The following DZIP1L variants were observed in gnomAD, a reference collection of about 807,000 sequenced individuals.
DZIP1L encodes DAZ interacting zinc finger protein 1 like, also known as cilium assembly protein DZIP1L.
A neutral mutation model predicts 88.7 loss-of-function variants in DZIP1L; 90 were observed. The observed-to-expected ratio is 1.02, with a 90% CI of 0.86 to 1.21. The LOEUF is 1.21. Among genes scored for constraint, DZIP1L ranks in the 50% most tolerant of loss-of-function variants. The probability of loss-of-function intolerance (pLI) is 0.00; values close to 1 mark genes in which losing one functional copy is unlikely to be tolerated. For missense variants in DZIP1L, 932 were observed against 955.8 expected (o/e 0.98, Z 0.33); for synonymous variants, 363 against 372.1 (o/e 0.98, Z 0.28).
At chr3:138,106,615 C>T (rs1047680571) in intron 1 of DZIP1L, among the ~76,000 whole-genome samples, 6 of 151,616 alleles carry the variant, frequency 4.0e-5, no homozygotes, top group South Asian at 2.1e-4. Context: ...GGGTGGATCA[C>T]GAGGTCAAGA....
intron 7 of DZIP1L, 101 bp downstream of exon 7, chr3:138,086,860 T>C (rs1943963517): frequency 8.1e-7 from 1 of 1,236,136 alleles, no homozygotes; most frequent in South Asian, 1.3e-5. Flanking sequence ...CAGTTCCAGG[T>C]GAGATAGGGG....
At chr3:138,069,063 G>C in intron 12 of DZIP1L, 1 of 1,170,756 alleles carries the variant, frequency 8.5e-7, no homozygotes, top group Non-Finnish European at 1.1e-6. Context: ...GAAACAACGT[G>C]GGGTTGAACA....
chr3:138,085,087 C>T (rs1470531413), intron 7 of DZIP1L, among the ~76,000 whole-genome samples: 4 of 152,118 alleles, frequency 2.6e-5, no homozygotes. Context: ...CTTCCTTACA[C>T]CTTATACAAA....
chr3:138,070,724 C>G (rs1008294437), intron 12 of DZIP1L, among the ~76,000 whole-genome samples: 2 of 152,232 alleles, frequency 1.3e-5, no homozygotes, highest in African/African-American at 4.8e-5. Flanking sequence ...ATGAAGAGCT[C>G]AAATCGGTTC....
chr3:138,089,386 C>T (rs1944098100), intron 5 of DZIP1L: 1 of 488,340 alleles, frequency 2.0e-6, no homozygotes, highest in Admixed American at 6.4e-5. Context: ...ACTTTCTTGG[C>T]ATTACAAACC....
At chr3:138,108,086 T>C (rs2724679) in intron 1 of DZIP1L, 291,989 of 428,492 alleles carry the variant, frequency 0.68, 101,736 homozygotes, top group Non-Finnish European at 0.72. Context: ...CAGGTTCACG[T>C]CATTCTCCTG....
chr3:138,099,128 C>G (rs751895018), intron 2 of DZIP1L, among the ~76,000 whole-genome samples: 3 of 151,966 alleles, frequency 2.0e-5, no homozygotes, highest in Non-Finnish European at 4.4e-5. Context: ...GACCCTGTCT[C>G]AAAAAATAAA....
rs141369259 is a variant in DZIP1L at position 138,068,219 on chromosome 3, G to A, written c.1764C>T (p.Ser588=). ...GCAGTCCGGGGCGTGGAGCGGGGGC[G>A]GACACCTGGGTCAGGCTGGAGCCAT... ...GSHGSSLTQV[S]APAPRPGLHG... The change falls in exon 13 of 16, where the codon TCC becomes TCT. Residue 588 remains serine (S), a synonymous_variant. Transcript: ENST00000327532. 49 of 1,592,580 alleles carry A rather than the reference G, an allele frequency of 3.1e-5. 1 individual carries two copies. In the South Asian group the frequency reaches 3.4e-4, roughly 11 times the overall value.
chr3:138,102,536 G>T, intron 2 of DZIP1L: 1 of 1,387,164 alleles, frequency 7.2e-7, no homozygotes, highest in Non-Finnish European at 1.0e-6. Flanking sequence ...GTCTTCTGCT[G>T]CTGCAGGAGG....
chr3:138,063,662 C>T lies in DZIP1L; in HGVS notation c.2143-685G>A, dbSNP rs576457765. Among the ~76,000 whole-genome samples, 3 of 152,252 alleles carry T rather than the reference C, an allele frequency of 2.0e-5. No homozygotes were observed. Among genetic ancestry groups the T allele is most frequent in the Non-Finnish European group, 2.9e-5 (2 of 68,050 alleles). ...GGAATGTAAGACCGACCAATCAGAA[C>T]CCATGCAGGGTGCAGGGCAGCAAGC... On this transcript the variant is annotated intron_variant, in intron 15 of 15. Coordinates refer to ENST00000327532, the MANE Select transcript of DZIP1L (RefSeq NM_173543.3). This position sits in a 1 kb window ranked among gnomAD's most constrained non-coding sequence, Gnocchi z 4.1.
At chr3:138,064,293 G>C in intron 15 of DZIP1L, 2 of 1,110,832 alleles carry the variant, frequency 1.8e-6, no homozygotes, top group Non-Finnish European at 2.3e-6. Context: ...GCCCACTGTG[G>C]GATGAGACCG....
At chr3:138,104,155 T>C (rs2042411137) in intron 1 of DZIP1L, 103 bp from the exon 2 acceptor site, 1 of 1,093,772 alleles carries the variant, frequency 9.1e-7, no homozygotes, top group Non-Finnish European at 1.3e-6. Flanking sequence ...GAGGTGTCTG[T>C]GCAGCAGCTG....
At chr3:138,105,766 CAT>C (rs2042466058) in intron 1 of DZIP1L, among the ~76,000 whole-genome samples, 1 of 151,856 alleles carries the variant, frequency 6.6e-6, no homozygotes, top group Non-Finnish European at 1.5e-5. Flanking sequence ...ATGAAAGACT[CAT>C]ATTTGTTATA....
At chr3:138,114,703 G>A (rs2042665136) in intron 1 of DZIP1L, among the ~76,000 whole-genome samples, 1 of 152,142 alleles carries the variant, frequency 6.6e-6, no homozygotes, top group Non-Finnish European at 1.5e-5. Flanking sequence ...CCCCTAGGAA[G>A]TGCTCCGTGA....
At chr3:138,065,221 C>T (rs1942842623) in intron 14 of DZIP1L, among the ~76,000 whole-genome samples, 2 of 152,176 alleles carry the variant, frequency 1.3e-5, no homozygotes, top group Admixed American at 1.3e-4. Flanking sequence ...TAAGCAGTGA[C>T]AGAGATCATC....
rs997264928 is a variant in DZIP1L, at chr3:138,103,348, A to C, written c.501+123T>G. 2.7e-6 allele frequency: 3 copies of C among 1,112,818 alleles called. No homozygotes were observed. In the African/African-American group the frequency reaches 4.7e-5, roughly 17 times the overall value. 68.9% of individuals were successfully genotyped at this position (1,112,818 alleles called of 1,614,324 possible). On this transcript the variant is annotated intron_variant, in intron 2 of 15. Transcript: ENST00000327532. ...AGCAGCATCTCTGAAATCTGCTCCT[A>C]ACCAGTGAGAACAGCCCCCCAGCAG...
chr3:138,068,826 T>C (rs1381515159), intron 12 of DZIP1L, among the ~76,000 whole-genome samples: 1 of 152,170 alleles, frequency 6.6e-6, no homozygotes, highest in Non-Finnish European at 1.5e-5. Flanking sequence ...AAATGCAGTC[T>C]GGGGCAAGGC....
intron 11 of DZIP1L, among the ~76,000 whole-genome samples, chr3:138,072,817 T>C (rs1002326833): frequency 3.3e-5 from 5 of 152,156 alleles, no homozygotes; most frequent in African/African-American, 4.8e-5. Flanking sequence ...CTTGCTCCTG[T>C]TGGTGGGGCA....
At chr3:138,072,222 C>T (rs1043767359) in intron 11 of DZIP1L, among the ~76,000 whole-genome samples, 1 of 152,222 alleles carries the variant, frequency 6.6e-6, no homozygotes, top group Admixed American at 6.5e-5. Flanking sequence ...GCCAAACACA[C>T]TGTCCATGGC....
Sources: allele counts gnomAD v4.1 joint callset (sites outside exome capture counted in the v4.1 genomes callset), GRCh38; gene constraint gnomAD v4.1.1; non-coding constraint Gnocchi (gnomAD v3.1); transcripts MANE v1.5; gene names NCBI Gene and HGNC (gene_info 2026-07-23, HGNC 2026-07-21).